Variants in KCNH1 observed in about 807,000 individuals in gnomAD.
KCNH1 encodes potassium voltage-gated channel subfamily H member 1, also known as voltage-gated delayed rectifier potassium channel KCNH1.
A neutral mutation model predicts 69.2 loss-of-function variants in KCNH1; 27 were observed. The ratio of observed to expected loss-of-function variants is 0.39; its 90% CI spans 0.29 to 0.54. KCNH1 has a LOEUF of 0.54. Among genes scored for constraint, KCNH1 ranks in the 20% least tolerant of loss-of-function variants. The probability of loss-of-function intolerance (pLI) is 0.68; values close to 1 mark genes in which losing one functional copy is unlikely to be tolerated. For synonymous variants in KCNH1, 456 were observed against 487.7 expected, an observed-to-expected ratio of 0.93 and a Z score of 0.86; for missense variants, 798 against 1,261.6, an observed-to-expected ratio of 0.63 and a Z score of 5.57.
At chr1:210,848,660 T>A (rs1044398571) in intron 7 of KCNH1, among the ~76,000 whole-genome samples, 1 of 152,210 alleles carries the variant, frequency 6.6e-6, no homozygotes, top group Admixed American at 6.5e-5. Context: ...TTGGTCAAGA[T>A]AGAATCTTGG....
intron 7 of KCNH1, among the ~76,000 whole-genome samples, chr1:210,917,577 A>C (rs1365389024): frequency 6.6e-6 from 1 of 152,192 alleles, no homozygotes; most frequent in Non-Finnish European, 1.5e-5. Flanking sequence ...GTTGCAGGGA[A>C]ATCTCATATT....
chr1:211,008,731 A>C (rs983249899), intron 6 of KCNH1, among the ~76,000 whole-genome samples: 8 of 152,244 alleles, frequency 5.3e-5, no homozygotes, highest in African/African-American at 1.9e-4. Flanking sequence ...TGATCTAAGT[A>C]GTGGTTATGT....
In KCNH1 at chr1:210,868,275, G is replaced by A. The variant is rs139232264; in HGVS notation, c.1462+51365C>T. Among the ~76,000 whole-genome samples the A allele has an allele frequency of 7.8e-4, 118 of 151,710 alleles. 1 individual carries two copies. The East Asian group carries it at 0.015, about 20-fold the overall frequency. On this transcript the variant is annotated intron_variant, in intron 7 of 10. Coordinates refer to ENST00000271751, the MANE Select transcript of KCNH1 (RefSeq NM_172362.3). The stretch of plus-strand genomic sequence containing the variant: ...TGTAAAGTGTCTGTCCAAATCTTTT[G>A]CCTATTTAAAAAATTTATTTTTAAT...
At chr1:210,709,740 GAA>G (rs1274725200) in intron 10 of KCNH1, among the ~76,000 whole-genome samples, 51 of 79,302 alleles carry the variant, frequency 6.4e-4, no homozygotes, top group African/African-American at 1.0e-3. Flanking sequence ...GAGAGAGAGA[GAA>G]AGAGAGAGAG....
rs200162232 is a variant in KCNH1, at chr1:211,090,549, C to T, written c.439+13G>A. 1.3e-5 allele frequency: 21 copies of T among 1,591,664 alleles called. No individual in the cohort carries two copies. The highest frequency in any genetic ancestry group is 1.8e-5 in the Non-Finnish European group (21 of 1,173,886). On this transcript the variant is annotated intron_variant, in intron 4 of 10. Transcript: ENST00000271751. ...AAGGCATAAATGTATTTGTACAAGTCAGAATTACAAACCTTTACATGAATC... is the reference window on the plus strand; with the variant it reads ...AAGGCATAAATGTATTTGTACAAGTTAGAATTACAAACCTTTACATGAATC...
intron 7 of KCNH1, among the ~76,000 whole-genome samples, chr1:210,842,992 T>C (rs1050753746): frequency 6.6e-6 from 1 of 152,172 alleles, no homozygotes; most frequent in Non-Finnish European, 1.5e-5. Flanking sequence ...TCACTACATA[T>C]ATTAACAAGC....
intron 8 of KCNH1, among the ~76,000 whole-genome samples, chr1:210,802,031 T>C (rs1684438609): frequency 6.6e-6 from 1 of 152,178 alleles, no homozygotes; most frequent in Non-Finnish European, 1.5e-5. Flanking sequence ...GTTAGTAAAA[T>C]GAATCGGGCC....
At chr1:211,044,287 T>G (rs1230720015) in intron 5 of KCNH1, among the ~76,000 whole-genome samples, 1 of 152,144 alleles carries the variant, frequency 6.6e-6, no homozygotes. Context: ...AGCTCTTCTG[T>G]ACACCAACAG....
intron 10 of KCNH1, among the ~76,000 whole-genome samples, chr1:210,761,785 C>T (rs921965522): frequency 6.4e-4 from 97 of 152,100 alleles, no homozygotes; most frequent in Admixed American, 3.9e-4. Flanking sequence ...TTGATAGTCA[C>T]GAAATAATAG....
At chr1:211,038,101 C>T (rs1054403546) in intron 5 of KCNH1, among the ~76,000 whole-genome samples, 8 of 151,598 alleles carry the variant, frequency 5.3e-5, no homozygotes, top group African/African-American at 1.2e-4. Flanking sequence ...CTGGGGCTAC[C>T]GGCACCCACC....
intron 6 of KCNH1, among the ~76,000 whole-genome samples, chr1:210,971,242 C>A (rs1688506788): frequency 6.6e-6 from 1 of 152,092 alleles, no homozygotes; most frequent in Non-Finnish European, 1.5e-5. Context: ...CATGAGCCAC[C>A]ACAGCCGACC....
intron 7 of KCNH1, chr1:210,861,743 C>T (rs941181535): frequency 1.3e-6 from 1 of 774,296 alleles, no homozygotes; most frequent in Non-Finnish European, 2.4e-6. Context: ...ATAAAATGAT[C>T]CTTTAGAACT....
chr1:210,819,211 C>T (rs1684877457), intron 7 of KCNH1, among the ~76,000 whole-genome samples: 2 of 152,096 alleles, frequency 1.3e-5, no homozygotes, highest in Non-Finnish European at 2.9e-5. Flanking sequence ...GCAACTTTTT[C>T]CTAGTTGAGA....
At chr1:211,071,269 C>A (rs1218607097) in intron 5 of KCNH1, among the ~76,000 whole-genome samples, 1 of 152,160 alleles carries the variant, frequency 6.6e-6, no homozygotes, top group Non-Finnish European at 1.5e-5. Flanking sequence ...TTTCTTGTAA[C>A]TAGTGCCACC....
chr1:211,075,949 G>A (rs186160721), intron 5 of KCNH1, among the ~76,000 whole-genome samples: 9 of 152,206 alleles, frequency 5.9e-5, no homozygotes, highest in Admixed American at 2.0e-4. Flanking sequence ...TGGCTCAGCC[G>A]ATCCCAAGCC....
At chr1:210,980,345 A>G (rs1370661252) in intron 6 of KCNH1, among the ~76,000 whole-genome samples, 1 of 152,198 alleles carries the variant, frequency 6.6e-6, no homozygotes, top group East Asian at 1.9e-4. Context: ...ACAAGAATCT[A>G]CATGCTGATA....
At chr1:211,052,578 C>T (rs1690226926) in intron 5 of KCNH1, among the ~76,000 whole-genome samples, 1 of 152,124 alleles carries the variant, frequency 6.6e-6, no homozygotes, top group African/African-American at 2.4e-5. Flanking sequence ...CAAATGAAGC[C>T]AACACCCAAA....
Position 210,683,794 on chromosome 1 carries a change from G to A in KCNH1, c.2457C>T (p.Ser819=), listed in dbSNP as rs202011212. The change falls in exon 11 of 11, where the codon TCC becomes TCT. Residue 819 remains serine (S), a synonymous_variant. Coordinates refer to ENST00000271751, the MANE Select transcript of KCNH1 (RefSeq NM_172362.3). This position sits in a 1 kb window ranked among gnomAD's most constrained non-coding sequence, Gnocchi z 5.7. Reference sequence around the variant, plus strand: ...CGCCCCCCTTGGGGCCCAGGCACTCGGACCCTGGCGCCTGTAGCTTTGCGT... The same window carrying A: ...CGCCCCCCTTGGGGCCCAGGCACTCAGACCCTGGCGCCTGTAGCTTTGCGT... The part of the protein sequence containing the change: ...PDHAKLQAPG[S]ECLGPKGGGG... The A allele has an allele frequency of 8.1e-6, 13 of 1,613,724 alleles. No homozygotes were observed. The highest frequency in any genetic ancestry group is 2.7e-5 in the African/African-American group (2 of 75,060).
chr1:210,950,216 CTTT>C (rs925247382), intron 6 of KCNH1, among the ~76,000 whole-genome samples: 1 of 142,388 alleles, frequency 7.0e-6, no homozygotes, highest in African/African-American at 2.6e-5. Context: ...GTTTAGATTT[CTTT>C]TTTTTTTTTT....
Sources: gnomAD v4.1 joint callset for allele counts (sites outside exome capture counted in the v4.1 genomes callset) on GRCh38, gnomAD v4.1.1 for gene constraint, Gnocchi (gnomAD v3.1) non-coding constraint, MANE v1.5 for transcripts, NCBI Gene and HGNC (gene_info 2026-07-23, HGNC 2026-07-21) for gene names.